The following JARID2 variants were observed in gnomAD, a reference collection of about 807,000 sequenced individuals.
JARID2 encodes protein Jumonji.
JARID2 carries 21 observed loss-of-function variants against 125.6 expected under a neutral mutation model. The observed-to-expected ratio is 0.17, with a 90% confidence interval of 0.12 to 0.24. The LOEUF is 0.24. Ranked by LOEUF, JARID2 falls within the 10% of genes least tolerant of loss-of-function variation. The probability of loss-of-function intolerance (pLI) is 1.00; values close to 1 mark genes in which losing one functional copy is unlikely to be tolerated. For missense variants in JARID2, 1,303 were observed against 1,639.6 expected, an observed-to-expected ratio of 0.79 and a Z score of 3.55; for synonymous variants, 736 against 661.6, an observed-to-expected ratio of 1.11 and a Z score of -1.73.
At chr6:15,249,575 C>A (rs746824418) in intron 1 of JARID2, among the ~76,000 whole-genome samples, 1 of 152,174 alleles carries the variant, frequency 6.6e-6, no homozygotes, top group South Asian at 2.1e-4. Flanking sequence ...CTGAAAAGAT[C>A]ATGTGCATGG....
intron 2 of JARID2, among the ~76,000 whole-genome samples, chr6:15,383,708 T>C (rs1421044708): frequency 6.6e-6 from 1 of 152,204 alleles, no homozygotes; most frequent in African/African-American, 2.4e-5. Context: ...ATTTCCATTA[T>C]TCTGGGGTGT....
intron 1 of JARID2, among the ~76,000 whole-genome samples, chr6:15,263,363 C>G (rs1224134486): frequency 6.6e-6 from 1 of 151,940 alleles, no homozygotes; most frequent in Non-Finnish European, 1.5e-5. Flanking sequence ...AGTAGAATGA[C>G]CTAGAAATTA....
intron 2 of JARID2, among the ~76,000 whole-genome samples, chr6:15,406,719 T>C (rs537019471): frequency 3.5e-4 from 54 of 152,316 alleles, no homozygotes; most frequent in African/African-American, 1.3e-3. Flanking sequence ...TTAATATTCC[T>C]AGGTATTTTT....
intron 4 of JARID2, among the ~76,000 whole-genome samples, chr6:15,456,753 G>GGTAGTTTCTTGAGCTAATTAAAACCT (rs1768194438): frequency 6.6e-6 from 1 of 151,952 alleles, no homozygotes; most frequent in Non-Finnish European, 1.5e-5. Flanking sequence ...CATCAAGATA[G>GGTAGTTTCTTGAGCTAATTAAAACCT]GTAGTTTCTT....
chr6:15,431,948 TAG>T (rs1483793204), intron 3 of JARID2, among the ~76,000 whole-genome samples: 5 of 152,192 alleles, frequency 3.3e-5, no homozygotes, highest in Non-Finnish European at 7.3e-5. Context: ...AATGCCTGGT[TAG>T]GTACACAGGC....
At chr6:15,394,528 G>T (rs535463816) in intron 2 of JARID2, among the ~76,000 whole-genome samples, 1 of 152,272 alleles carries the variant, frequency 6.6e-6, no homozygotes, top group South Asian at 2.1e-4. Context: ...GAGCCCGGAA[G>T]GTCGACGCTG....
At chr6:15,342,167 G>A (rs1465932229) in intron 1 of JARID2, among the ~76,000 whole-genome samples, 1 of 152,152 alleles carries the variant, frequency 6.6e-6, no homozygotes, top group Non-Finnish European at 1.5e-5. Context: ...CTCAAAGTCT[G>A]GCTTTTAAAT....
intron 6 of JARID2, among the ~76,000 whole-genome samples, chr6:15,489,935 C>A (rs760518352): frequency 5.9e-5 from 9 of 152,230 alleles, no homozygotes; most frequent in Non-Finnish European, 1.3e-4. Flanking sequence ...TGACCCATGG[C>A]TCCAGATTCT....
At chr6:15,348,803 A>C in intron 1 of JARID2, among the ~76,000 whole-genome samples, 1 of 152,224 alleles carries the variant, frequency 6.6e-6, no homozygotes, top group East Asian at 1.9e-4. Flanking sequence ...CTCTAACCAG[A>C]GTAGGCTTTG....
chr6:15,318,542 A>G (rs1044545426), intron 1 of JARID2, among the ~76,000 whole-genome samples: 1 of 152,192 alleles, frequency 6.6e-6, no homozygotes, highest in Non-Finnish European at 1.5e-5. Flanking sequence ...CAGCCCCACA[A>G]CTGTGCAGTT....
In JARID2 at chr6:15,415,929, G is replaced by T. The variant is rs932822304; in HGVS notation, c.323+5564G>T. On this transcript the variant is annotated intron_variant, in intron 3 of 17. Coordinates refer to ENST00000341776, the MANE Select transcript of JARID2 (RefSeq NM_004973.4). ...AGGCAGAGACGCTCCTCACTTCCCA[G>T]ACGGGGTGGCTGCCGGGCGGAGGGT... Among the ~76,000 whole-genome samples, 4 of 151,892 alleles carry T rather than the reference G, an allele frequency of 2.6e-5. No individual in the cohort carries two copies. In the East Asian group the frequency reaches 5.9e-4, roughly 22 times the overall value.
rs371560698 is a variant in JARID2 at position 15,495,850 on chromosome 6, C to T, written c.907-282C>T. 1.4e-4 allele frequency among the ~76,000 whole-genome samples: 22 copies of T among 152,314 alleles called. No individual in the cohort carries two copies. The East Asian group carries it at 1.7e-3, about 12-fold the overall frequency. On this transcript the variant is annotated intron_variant, in intron 6 of 17. Coordinates refer to ENST00000341776, the MANE Select transcript of JARID2 (RefSeq NM_004973.4). ...GAAGAGCAATGGGAACGTGAAAATG[C>T]ACCCAGGAAACCCCGCTAGGAAGCG...
chr6:15,292,625 C>T (rs1315257471), intron 1 of JARID2, among the ~76,000 whole-genome samples: 1 of 152,062 alleles, frequency 6.6e-6, no homozygotes, highest in African/African-American at 2.4e-5. Flanking sequence ...AAAAATGGAA[C>T]CAGAGCTAAT....
intron 1 of JARID2, among the ~76,000 whole-genome samples, chr6:15,299,818 C>G (rs1761540515): frequency 6.6e-6 from 1 of 152,126 alleles, no homozygotes; most frequent in Non-Finnish European, 1.5e-5. Context: ...AGATATTTAG[C>G]AGTGAGTCAT....
chr6:15,257,160 G>A (rs1759697413), intron 1 of JARID2, among the ~76,000 whole-genome samples: 1 of 152,050 alleles, frequency 6.6e-6, no homozygotes, highest in African/African-American at 2.4e-5. Context: ...TCTTTTCAGG[G>A]GGATTTTCAG....
chr6:15,344,545 T>G (rs1232354573), intron 1 of JARID2, among the ~76,000 whole-genome samples: 2 of 152,170 alleles, frequency 1.3e-5, no homozygotes, highest in African/African-American at 2.4e-5. Context: ...CTTTTTTTTT[T>G]TTTAACTGTT....
chr6:15,470,780 G>C (rs1215619749), intron 5 of JARID2, among the ~76,000 whole-genome samples: 1 of 152,210 alleles, frequency 6.6e-6, no homozygotes, highest in Non-Finnish European at 1.5e-5. Context: ...ATTAGTGTAC[G>C]GATGTAATTT....
chr6:15,452,007 C>T lies in JARID2; in HGVS notation c.325C>T (p.Pro109Ser). Residue 109 changes from proline to serine, a missense_variant and splice_region_variant, in exon 4 of 18, where the codon CCC becomes TCC. Physicochemically the swap from Pro to Ser is moderately conservative, Grantham distance 74. This residue lies in a region of JARID2 where 3 missense variants were observed against 21.7 expected (regional missense o/e 0.14). Coordinates refer to ENST00000341776, the MANE Select transcript of JARID2 (RefSeq NM_004973.4). ...DFEEGPSRKR[P>S]RLQAQRKFAQ... ...TTTAATTTTCTTTTGCTTTTGCAGG[C>T]CCAGGCTGCAAGCACAAAGGAAGTT... 4 of 1,613,136 alleles carry T rather than the reference C, an allele frequency of 2.5e-6. No homozygotes were observed. The highest frequency in any genetic ancestry group is 3.4e-6 in the Non-Finnish European group (4 of 1,179,600).
Position 15,513,362 on chromosome 6 carries a change from G to A in JARID2, c.3390G>A (p.Leu1130=). The change falls in exon 16 of 18, where the codon CTG becomes CTA. Residue 1130 remains leucine (L), a synonymous_variant. Coordinates refer to ENST00000341776, the MANE Select transcript of JARID2 (RefSeq NM_004973.4). The part of the protein sequence containing the change: ...ADGKKKPRKW[L]QLETSERRCQ... ...GGAAGAAAAAGCCTCGAAAGTGGCT[G>A]CAGTTGGAGACGTCAGAGAGGAGGT... The A allele has an allele frequency of 6.2e-7, 1 of 1,613,486 alleles. No individual in the cohort carries two copies. Among genetic ancestry groups the A allele is most frequent in the Non-Finnish European group, 8.5e-7 (1 of 1,179,828 alleles).
Sources: allele counts gnomAD v4.1 joint callset (sites outside exome capture counted in the v4.1 genomes callset), GRCh38; gene constraint gnomAD v4.1.1; regional missense constraint gnomAD v4.1.1; transcripts MANE v1.5; gene names NCBI Gene and HGNC (gene_info 2026-07-23, HGNC 2026-07-21).